Variants in STOX2 observed in about 807,000 individuals in gnomAD.
STOX2 encodes the protein storkhead-box protein 2.
In STOX2, 28 loss-of-function variants were observed where a neutral mutation model predicts 60.9. That is an observed-to-expected ratio of 0.46 (90% confidence interval 0.34 to 0.63). The LOEUF (loss-of-function observed/expected upper bound fraction) is 0.63. STOX2 is among the 30% of genes least tolerant of loss of function. The pLI, the probability that STOX2 is intolerant of heterozygous loss-of-function variation, is 0.01. For synonymous variants in STOX2, 472 were observed against 463.9 expected, an observed-to-expected ratio of 1.02 and a Z score of -0.22; for missense variants, 1,024 against 1,187.7, an observed-to-expected ratio of 0.86 and a Z score of 2.03.
intron 1 of STOX2, among the ~76,000 whole-genome samples, chr4:183,900,098 T>C (rs1327311135): frequency 2.0e-5 from 3 of 152,208 alleles, no homozygotes; most frequent in African/African-American, 7.2e-5. Flanking sequence ...GGTTACAACA[T>C]GGTTTACTGA....
At chr4:183,982,002 G>A (rs565939989) in intron 1 of STOX2, among the ~76,000 whole-genome samples, 6 of 152,314 alleles carry the variant, frequency 3.9e-5, no homozygotes, top group East Asian at 3.9e-4. Context: ...CTTTTCTTTC[G>A]ATATATTTTA....
chr4:183,898,312 C>T (rs1741386592), intron 1 of STOX2, among the ~76,000 whole-genome samples: 1 of 151,944 alleles, frequency 6.6e-6, no homozygotes, highest in African/African-American at 2.4e-5. Flanking sequence ...GAATGACTCC[C>T]AGGTTCTTGC....
intron 1 of STOX2, among the ~76,000 whole-genome samples, chr4:183,957,200 G>T (rs1034286806): frequency 6.7e-6 from 1 of 148,846 alleles, no homozygotes; most frequent in Admixed American, 6.7e-5. Context: ...AAAAACACTG[G>T]GAGGCACGTG....
chr4:184,015,492 G>T (rs1734329276), intron 3 of STOX2: 1 of 139,222 alleles, frequency 7.2e-6, no homozygotes, highest in Non-Finnish European at 1.6e-5. Flanking sequence ...ATTCAAGAAA[G>T]TCCGAGGGTT....
chr4:183,805,064 C>T (rs927804469), intron 1 of STOX2, among the ~76,000 whole-genome samples: 2 of 152,004 alleles, frequency 1.3e-5, no homozygotes, highest in Non-Finnish European at 2.9e-5. Context: ...TTCCTGAGGT[C>T]GATCATATAT....
intron 1 of STOX2, among the ~76,000 whole-genome samples, chr4:183,932,406 GTATGTATACATACAGTA>G (rs1742461041): frequency 2.8e-5 from 2 of 70,456 alleles, no homozygotes; most frequent in Admixed American, 2.9e-4. Flanking sequence ...TACAGTATAT[GTATGTATACATACAGTA>G]TATGTATGTA....
rs1173072583 is a variant in STOX2, at chr4:184,011,382, C to T, written c.2544C>T (p.Asp848=). ...ATHSARLDSM[D]SSSITVDSGF... Reference sequence around the variant, plus strand: ...ATTCAGCCCGGCTCGACAGCATGGACAGCAGCAGCATCACAGTGGACAGTG... The same window carrying T: ...ATTCAGCCCGGCTCGACAGCATGGATAGCAGCAGCATCACAGTGGACAGTG... Residue 848 remains aspartate (D), a synonymous_variant, in exon 3 of 4, where the codon GAC becomes GAT. Transcript: ENST00000308497. This position sits in a 1 kb window ranked among gnomAD's most constrained non-coding sequence, Gnocchi z 4.4. 16 of 1,613,376 alleles carry T rather than the reference C, an allele frequency of 9.9e-6. No individual in the cohort carries two copies. Among genetic ancestry groups the T allele is most frequent in the Non-Finnish European group, 1.3e-5 (15 of 1,179,534 alleles).
intron 1 of STOX2, among the ~76,000 whole-genome samples, chr4:183,803,152 A>G (rs1738806577): frequency 6.6e-6 from 1 of 152,182 alleles, no homozygotes; most frequent in Non-Finnish European, 1.5e-5. Context: ...AAACCCATTC[A>G]CTATCATGAG....
intron 1 of STOX2, among the ~76,000 whole-genome samples, chr4:183,896,827 G>A (rs1197223219): frequency 1.8e-4 from 28 of 152,196 alleles, no homozygotes; most frequent in Non-Finnish European, 3.1e-4. Flanking sequence ...TCAACATAAA[G>A]ATAAGGTATG....
chr4:183,925,607 C>G (rs1161271748), intron 1 of STOX2, among the ~76,000 whole-genome samples: 1 of 152,270 alleles, frequency 6.6e-6, no homozygotes, highest in East Asian at 1.9e-4. Flanking sequence ...AATTGATCAC[C>G]TAATTAAGCT....
intron 1 of STOX2, among the ~76,000 whole-genome samples, chr4:183,832,250 A>C (rs555579820): frequency 2.0e-5 from 3 of 151,872 alleles, no homozygotes; most frequent in African/African-American, 7.3e-5. Flanking sequence ...ATGGCCTTCC[A>C]AAGTGCTGGG....
chr4:183,849,575 T>G, intron 1 of STOX2, among the ~76,000 whole-genome samples: 1 of 152,200 alleles, frequency 6.6e-6, no homozygotes, highest in East Asian at 1.9e-4. Context: ...GAAATAGTAA[T>G]AATTGTTGAC....
intron 2 of STOX2, among the ~76,000 whole-genome samples, chr4:184,002,393 A>G (rs370137438): frequency 2.6e-5 from 4 of 152,246 alleles, no homozygotes; most frequent in South Asian, 4.1e-4. Context: ...CTGAGTAAAT[A>G]TAAGCTGTTA....
At chr4:183,989,729 C>A (rs1733015597) in intron 1 of STOX2, among the ~76,000 whole-genome samples, 2 of 152,116 alleles carry the variant, frequency 1.3e-5, no homozygotes, top group Non-Finnish European at 2.9e-5. Flanking sequence ...TGTTTTCTTA[C>A]AACATCCATG....
At chr4:183,852,663 C>A (rs1184419010) in intron 1 of STOX2, among the ~76,000 whole-genome samples, 1 of 152,126 alleles carries the variant, frequency 6.6e-6, no homozygotes, top group East Asian at 1.9e-4. Flanking sequence ...AGCAGCATTC[C>A]CTTCAGCCAT....
Position 184,018,687 on chromosome 4 carries a change from T to G in STOX2, c.*1403T>G, listed in dbSNP as rs1362269702. ...GGTTTGTTAACATTTTGCTTTGGTT[T>G]ACAATGTCATGTTGAACACAAAGAA... On this transcript the variant is annotated 3_prime_UTR_variant, in exon 4 of 4. Coordinates refer to ENST00000308497, the MANE Select transcript of STOX2 (RefSeq NM_020225.3). 6 of 152,234 alleles carry G rather than the reference T, an allele frequency of 3.9e-5. No homozygotes were observed. The highest frequency in any genetic ancestry group is 1.4e-4 in the African/African-American group (6 of 41,456). The allele number at this position is 152,234 out of a possible 1,614,324, so 9.4% of individuals were successfully genotyped here.
intron 1 of STOX2, 141 bp downstream of exon 1, chr4:183,907,097 A>G (rs1452307575): frequency 2.9e-6 from 2 of 697,472 alleles, no homozygotes; most frequent in Non-Finnish European, 4.6e-6. Context: ...ATTAGCTCCC[A>G]TCCACCATTT....
At chr4:183,879,601 C>T (rs568357005) in intron 1 of STOX2, among the ~76,000 whole-genome samples, 3 of 152,286 alleles carry the variant, frequency 2.0e-5, no homozygotes, top group South Asian at 4.2e-4. Flanking sequence ...TCAGATGCCT[C>T]GCGTTGGTGT....
intron 1 of STOX2, among the ~76,000 whole-genome samples, chr4:183,876,292 C>T (rs1301321208): frequency 6.6e-6 from 1 of 152,194 alleles, no homozygotes; most frequent in Non-Finnish European, 1.5e-5. Context: ...GGCAGCCTCC[C>T]AGACTGCAAA....
Sources: allele counts gnomAD v4.1 joint callset (sites outside exome capture counted in the v4.1 genomes callset), GRCh38; gene constraint gnomAD v4.1.1; non-coding constraint Gnocchi (gnomAD v3.1); transcripts MANE v1.5; gene names NCBI Gene and HGNC (gene_info 2026-07-23, HGNC 2026-07-21).